The following DLGAP2 variants were observed in gnomAD, a reference collection of about 807,000 sequenced individuals.
The protein encoded by DLGAP2 is disks large-associated protein 2.
In DLGAP2, 26 loss-of-function variants were observed where a neutral mutation model predicts 100.3. That is an observed-to-expected ratio of 0.26 (90% confidence interval 0.19 to 0.36). The LOEUF (loss-of-function observed/expected upper bound fraction) is 0.36, where lower values mean the gene tolerates loss of function less well. Among genes scored for constraint, DLGAP2 ranks in the 10% least tolerant of loss-of-function variants. DLGAP2 has a pLI of 1.00. For synonymous variants in DLGAP2, 886 were observed against 630.1 expected, an observed-to-expected ratio of 1.41 and a Z score of -6.08; for missense variants, 1,858 against 1,453.2, an observed-to-expected ratio of 1.28 and a Z score of -4.53.
intron 1 of DLGAP2, among the ~76,000 whole-genome samples, chr8:872,371 C>G (rs1312110433): frequency 2.2e-5 from 3 of 134,634 alleles, no homozygotes; most frequent in Admixed American, 1.8e-4. Flanking sequence ...TTCACTCTTG[C>G]TGCCCAGGCT....
chr8:1,439,603 T>C (rs1314620518), intron 3 of DLGAP2, among the ~76,000 whole-genome samples: 2 of 152,116 alleles, frequency 1.3e-5, no homozygotes, highest in East Asian at 1.9e-4. Context: ...TTCCTTTTTT[T>C]CTAGACAAAT....
At chr8:1,104,883 G>C (rs542049498) in intron 2 of DLGAP2, 271 of 152,330 alleles carry the variant, frequency 1.8e-3, no homozygotes, top group African/African-American at 6.3e-3. Context: ...CCATCTGCAG[G>C]GCCTCTGAAG....
intron 2 of DLGAP2, among the ~76,000 whole-genome samples, chr8:912,612 G>A (rs1383100866): frequency 4.0e-5 from 6 of 151,744 alleles, no homozygotes; most frequent in Admixed American, 6.6e-5. Flanking sequence ...CTCCTGCTCC[G>A]TGGTGCCCGC....
At chr8:1,698,712 A>G (rs561366071) in intron 14 of DLGAP2, among the ~76,000 whole-genome samples, 2 of 152,146 alleles carry the variant, frequency 1.3e-5, no homozygotes, top group South Asian at 4.1e-4. Flanking sequence ...CACATAAGCC[A>G]TGCATGGGAC....
chr8:1,120,336 A>G (rs913989143), intron 2 of DLGAP2, among the ~76,000 whole-genome samples: 4 of 152,306 alleles, frequency 2.6e-5, no homozygotes, highest in Admixed American at 6.5e-5. Context: ...ATGCGTCCGA[A>G]TGAGAACAAT....
At chr8:1,586,915 A>G (rs1015772009) in intron 6 of DLGAP2, among the ~76,000 whole-genome samples, 2 of 152,170 alleles carry the variant, frequency 1.3e-5, no homozygotes, top group East Asian at 1.9e-4. Flanking sequence ...TTATGCTTTC[A>G]CCTTCATCAG....
chr8:934,655 G>C (rs1417598860), intron 2 of DLGAP2, among the ~76,000 whole-genome samples: 1 of 152,072 alleles, frequency 6.6e-6, no homozygotes, highest in Non-Finnish European at 1.5e-5. Flanking sequence ...AGCGGGCACT[G>C]GGTGCAGATG....
intron 2 of DLGAP2, among the ~76,000 whole-genome samples, chr8:1,025,904 C>T (rs1183210997): frequency 2.0e-5 from 3 of 152,124 alleles, no homozygotes; most frequent in East Asian, 1.9e-4. Flanking sequence ...GGACAGAGCA[C>T]GCTGCAGGGA....
intron 4 of DLGAP2, among the ~76,000 whole-genome samples, chr8:1,545,533 G>T (rs550571553): frequency 6.6e-6 from 1 of 152,144 alleles, no homozygotes; most frequent in Non-Finnish European, 1.5e-5. Flanking sequence ...TCCGCATTTT[G>T]TGTTTGCTAC....
intron 6 of DLGAP2, among the ~76,000 whole-genome samples, chr8:1,614,630 C>A (rs986308184): frequency 3.3e-5 from 5 of 152,248 alleles, no homozygotes; most frequent in African/African-American, 4.8e-5. Flanking sequence ...ACAGCCTCTG[C>A]CTCTGCAGTG....
intron 2 of DLGAP2, among the ~76,000 whole-genome samples, chr8:1,050,265 A>G (rs965412937): frequency 2.0e-5 from 3 of 152,256 alleles, no homozygotes; most frequent in Admixed American, 6.5e-5. Flanking sequence ...TTTTGACTTT[A>G]GGATGGTTCA....
At chr8:1,453,081 G>T (rs1008523214) in intron 3 of DLGAP2, among the ~76,000 whole-genome samples, 67 of 152,234 alleles carry the variant, frequency 4.4e-4, no homozygotes, top group African/African-American at 1.4e-3. Context: ...CAAATGACCA[G>T]AAGAGAAATC....
At chr8:1,052,781 A>G (rs1016565678) in intron 2 of DLGAP2, among the ~76,000 whole-genome samples, 2 of 152,154 alleles carry the variant, frequency 1.3e-5, no homozygotes, top group African/African-American at 4.8e-5. Context: ...TTTTTAACAT[A>G]TAAGAGAGGC....
At chr8:1,051,429 C>T (rs903268019) in intron 2 of DLGAP2, among the ~76,000 whole-genome samples, 2 of 152,078 alleles carry the variant, frequency 1.3e-5, no homozygotes, top group Non-Finnish European at 2.9e-5. Flanking sequence ...GCAAAATGAT[C>T]CAATACCGTC....
intron 3 of DLGAP2, among the ~76,000 whole-genome samples, chr8:1,289,058 C>T (rs1328824335): frequency 6.6e-6 from 1 of 152,148 alleles, no homozygotes; most frequent in Non-Finnish European, 1.5e-5. Flanking sequence ...GCAGATAGAG[C>T]CGGTATTGCT....
At chr8:1,641,094 C>T in intron 8 of DLGAP2, among the ~76,000 whole-genome samples, 1 of 152,056 alleles carries the variant, frequency 6.6e-6, no homozygotes, top group East Asian at 1.9e-4. Context: ...GGACAGGAGC[C>T]CCTGGTCTGT....
intron 3 of DLGAP2, among the ~76,000 whole-genome samples, chr8:1,425,315 A>C (rs1558026): frequency 0.21 from 32,478 of 152,124 alleles, 3,868 homozygotes; most frequent in Middle Eastern, 0.29. Flanking sequence ...TCATAAAAGC[A>C]TGTGCTTGAT....
chr8:1,011,482 C>T (rs1396669209), intron 2 of DLGAP2, among the ~76,000 whole-genome samples: 1 of 149,944 alleles, frequency 6.7e-6, no homozygotes, highest in African/African-American at 2.5e-5. Flanking sequence ...TCAGTCTGCA[C>T]AGTGGGCCCT....
At chr8:1,274,523 C>T (rs181279549) in intron 3 of DLGAP2, among the ~76,000 whole-genome samples, 2,293 of 143,890 alleles carry the variant, frequency 0.016, 94 homozygotes, top group African/African-American at 0.056. Context: ...GAACATAAAC[C>T]GTAAAATGAG....
Sources: gnomAD v4.1 joint callset for allele counts (sites outside exome capture counted in the v4.1 genomes callset) on GRCh38, gnomAD v4.1.1 for gene constraint, MANE v1.5 for transcripts, NCBI Gene and HGNC (gene_info 2026-07-23, HGNC 2026-07-21) for gene names.